Variants in OR51B5 observed in about 807,000 individuals in gnomAD.
OR51B5 encodes the protein olfactory receptor family 51 subfamily B member 5, also known as olfactory receptor 51B5.
For synonymous variants in OR51B5, 186 were observed against 144.8 expected (o/e 1.28, Z -2.04); for missense variants, 456 against 374.6 (o/e 1.22, Z -1.79).
At chr11:5,388,842 A>G (rs932790413) in intron 1 of OR51B5, among the ~76,000 whole-genome samples, 2 of 152,064 alleles carry the variant, frequency 1.3e-5, no homozygotes, top group African/African-American at 4.8e-5. Context: ...AACAGACTTG[A>G]GGTATTCAGT....
At position 5,461,863 on chromosome 11, in the gene OR51B5, T is replaced by C. The variant is rs1460455396; in HGVS notation, n.84+43706A>G. 2.0e-5 allele frequency among the ~76,000 whole-genome samples: 3 copies of C among 152,172 alleles called. No homozygotes were observed. The East Asian group carries it at 5.8e-4, about 29-fold the overall frequency. On this transcript the variant is annotated intron_variant and non_coding_transcript_variant, in intron 1 of 4. Coordinates refer to the OR51B5 transcript ENST00000415970. ...ATACAGGCTTTCCAGCTTCTGCCTGTTTCAGCATCCTCCTGTATCCACTCT... is the reference window on the plus strand; with the variant it reads ...ATACAGGCTTTCCAGCTTCTGCCTGCTTCAGCATCCTCCTGTATCCACTCT...
chr11:5,345,547 G>T (rs1589943752), upstream of OR51B5, among the ~76,000 whole-genome samples: 1 of 152,108 alleles, frequency 6.6e-6, no homozygotes, highest in Non-Finnish European at 1.5e-5. Context: ...GTCTGAGGGG[G>T]ATACATATTC....
Position 5,370,133 on chromosome 11 carries a change from A to C in OR51B5, n.85-23223T>G, listed in dbSNP as rs1479850497. On this transcript the variant is annotated intron_variant and non_coding_transcript_variant, in intron 1 of 4. Transcript: ENST00000415970. The stretch of plus-strand genomic sequence containing the variant: ...AAATGCATATAGAAAATACAGGTAT[A>C]TAAATGCTAGAGGCTACCAAGTTGT... 2.6e-5 allele frequency among the ~76,000 whole-genome samples: 4 copies of C among 152,212 alleles called. No individual in the cohort carries two copies. In the East Asian group the frequency reaches 7.7e-4, roughly 29 times the overall value.
chr11:5,354,107 A>G (rs1285601262), intron 1 of OR51B5, among the ~76,000 whole-genome samples: 2 of 152,250 alleles, frequency 1.3e-5, no homozygotes, highest in Non-Finnish European at 2.9e-5. Flanking sequence ...TTTCATTAAA[A>G]TGAATAAATA....
At position 5,465,532 on chromosome 11, in the gene OR51B5, G is replaced by T. The variant is rs887389246; in HGVS notation, n.84+40037C>A. Among the ~76,000 whole-genome samples, 87 of 151,274 alleles carry T rather than the reference G, an allele frequency of 5.8e-4. No homozygotes were observed. In the East Asian group the frequency reaches 0.01, roughly 18 times the overall value. On this transcript the variant is annotated intron_variant and non_coding_transcript_variant, in intron 1 of 4. Coordinates refer to the OR51B5 transcript ENST00000415970. Reference sequence around the variant, plus strand: ...CTAAGCCAAAAGAACAAAGCTGGAGGCATCACACTACCTGACTTCAAACTA... The same window carrying T: ...CTAAGCCAAAAGAACAAAGCTGGAGTCATCACACTACCTGACTTCAAACTA...
chr11:5,471,731 G>C lies in OR51B5; in HGVS notation n.84+33838C>G, dbSNP rs897454047. Among the ~76,000 whole-genome samples, 7 of 151,942 alleles carry C rather than the reference G, an allele frequency of 4.6e-5. No homozygotes were observed. The East Asian group carries it at 1.4e-3, about 29-fold the overall frequency. ...ATGTTTTTACTGTAAAATTGTTTAG[G>C]TAAGTAAAAATAGCTCCCCTAGCAT... is the stretch of plus-strand genomic sequence containing the variant. On this transcript the variant is annotated intron_variant and non_coding_transcript_variant, in intron 1 of 4. Coordinates refer to the OR51B5 transcript ENST00000415970.
chr11:5,367,529 G>A (rs1252190279), intron 1 of OR51B5, among the ~76,000 whole-genome samples: 4 of 152,152 alleles, frequency 2.6e-5, no homozygotes, highest in Non-Finnish European at 5.9e-5. Flanking sequence ...TGGTGGGAGA[G>A]TAGCAGTGAG....
intron 1 of OR51B5, chr11:5,390,146 T>C (rs751749662): frequency 6.2e-7 from 1 of 1,613,884 alleles, no homozygotes; most frequent in Non-Finnish European, 8.5e-7. Flanking sequence ...GCGCCGTGCC[T>C]TTCAGACATG....
At chr11:5,408,958 T>G (rs1297695815) in intron 1 of OR51B5, among the ~76,000 whole-genome samples, 1 of 152,110 alleles carries the variant, frequency 6.6e-6, no homozygotes, top group Non-Finnish European at 1.5e-5. Context: ...ATTCCAAATG[T>G]TGTGCATTCT....
At chr11:5,369,428 A>C (rs922400161) in intron 1 of OR51B5, among the ~76,000 whole-genome samples, 1 of 152,184 alleles carries the variant, frequency 6.6e-6, no homozygotes, top group Non-Finnish European at 1.5e-5. Flanking sequence ...TACCTCAGTA[A>C]AACTCTATGA....
intron 1 of OR51B5, among the ~76,000 whole-genome samples, chr11:5,411,821 C>A (rs1287533440): frequency 2.0e-5 from 3 of 152,140 alleles, no homozygotes; most frequent in Admixed American, 6.5e-5. Flanking sequence ...GTCAGAAGGA[C>A]TCAGCCTGAA....
At chr11:5,437,751 G>A (rs190880737) in intron 1 of OR51B5, among the ~76,000 whole-genome samples, 1 of 152,280 alleles carries the variant, frequency 6.6e-6, no homozygotes, top group Non-Finnish European at 1.5e-5. Context: ...TCTCTTGCGG[G>A]TTTTGATTTC....
rs147400359 is a variant in OR51B5 at position 5,422,296 on chromosome 11, C to T, written n.85-75386G>A. 367 of 1,613,970 alleles carry T rather than the reference C, an allele frequency of 2.3e-4. 3 individuals are homozygous for T. The highest frequency in any genetic ancestry group is 9.8e-4 in the East Asian group (44 of 44,888). On this transcript the variant is annotated intron_variant and non_coding_transcript_variant, in intron 1 of 4. Coordinates refer to the OR51B5 transcript ENST00000415970. Reference sequence around the variant, plus strand: ...CCTCCCACATCTGGATCTCCATCCCCGTCTGCTGTCTCTACACCATCTCCA... The same window carrying T: ...CCTCCCACATCTGGATCTCCATCCCTGTCTGCTGTCTCTACACCATCTCCA...
intron 1 of OR51B5, among the ~76,000 whole-genome samples, chr11:5,464,872 A>G (rs1255955849): frequency 6.6e-6 from 1 of 152,170 alleles, no homozygotes; most frequent in East Asian, 1.9e-4. Flanking sequence ...ACTGACTTCC[A>G]CAATGGTTGA....
intron 1 of OR51B5, among the ~76,000 whole-genome samples, chr11:5,381,988 C>A (rs567278818): frequency 7.2e-5 from 11 of 152,338 alleles, no homozygotes; most frequent in African/African-American, 2.6e-4. Flanking sequence ...GCTCCATACA[C>A]CAAAATAACA....
exon 1 of OR51B5, chr11:5,342,708 T>G (rs200819869): frequency 3.8e-5 from 62 of 1,613,810 alleles, no homozygotes; most frequent in Non-Finnish European, 5.0e-5. Context: ...TAGCTCATAA[T>G]GAGGTGAACA....
intron 1 of OR51B5, among the ~76,000 whole-genome samples, chr11:5,352,847 A>ATT (rs1247614115): frequency 7.9e-6 from 1 of 126,854 alleles, no homozygotes; most frequent in African/African-American, 3.0e-5. Flanking sequence ...TATACTTAAT[A>ATT]TATAATAGTG....
chr11:5,399,443 T>A (rs1304161168), intron 1 of OR51B5, among the ~76,000 whole-genome samples: 1 of 152,224 alleles, frequency 6.6e-6, no homozygotes, highest in Non-Finnish European at 1.5e-5. Context: ...AGTATTAACA[T>A]CTTTATCTTT....
chr11:5,351,739 A>C (rs950287665), intron 1 of OR51B5: 9 of 1,613,960 alleles, frequency 5.6e-6, no homozygotes, highest in Non-Finnish European at 7.6e-6. Context: ...CACAATGCCC[A>C]CAGTGCTAGG....
Sources: allele counts gnomAD v4.1 joint callset (sites outside exome capture counted in the v4.1 genomes callset), GRCh38; gene constraint gnomAD v4.1.1; transcripts MANE v1.5; gene names NCBI Gene and HGNC (gene_info 2026-07-23, HGNC 2026-07-21).